Variants in TMEM178B observed in about 807,000 individuals in gnomAD.
The protein encoded by TMEM178B is transmembrane protein 178B.
In TMEM178B, 5 loss-of-function variants were observed where a neutral mutation model predicts 31.0. That is an observed-to-expected ratio of 0.16 (90% CI 0.08 to 0.34). The LOEUF is 0.34. Among genes scored for constraint, TMEM178B ranks in the 10% least tolerant of loss-of-function variants. The pLI, the probability that TMEM178B is intolerant of heterozygous loss-of-function variation, is 1.00. For synonymous variants in TMEM178B, 164 were observed against 164.0 expected (o/e 1.00, Z 0.00); for missense variants, 275 against 400.3 (o/e 0.69, Z 2.67).
At chr7:141,234,733 C>T (rs537600786) in intron 2 of TMEM178B, among the ~76,000 whole-genome samples, 1 of 152,322 alleles carries the variant, frequency 6.6e-6, no homozygotes, top group South Asian at 2.1e-4. Context: ...TCTGTGCCAT[C>T]TGCACTCTCG....
chr7:141,153,009 C>A (rs1386395915), intron 1 of TMEM178B, among the ~76,000 whole-genome samples: 2 of 152,168 alleles, frequency 1.3e-5, no homozygotes, highest in Non-Finnish European at 2.9e-5. Flanking sequence ...TGTCTTAAGT[C>A]ACATGGCTGA....
chr7:141,390,643 T>C (rs1381455595), intron 2 of TMEM178B, among the ~76,000 whole-genome samples: 1 of 152,250 alleles, frequency 6.6e-6, no homozygotes, highest in Non-Finnish European at 1.5e-5. Flanking sequence ...ACCTGCCCCG[T>C]TCTGACACGA....
At chr7:141,417,418 C>T (rs1229579771) in intron 2 of TMEM178B, among the ~76,000 whole-genome samples, 1 of 152,168 alleles carries the variant, frequency 6.6e-6, no homozygotes, top group Non-Finnish European at 1.5e-5. Flanking sequence ...GGTGTCTTAC[C>T]CATCTTTGTC....
At chr7:141,159,974 A>C (rs1193543947) in intron 1 of TMEM178B, among the ~76,000 whole-genome samples, 4 of 149,024 alleles carry the variant, frequency 2.7e-5, no homozygotes, top group African/African-American at 9.8e-5. Flanking sequence ...AATAATGGGG[A>C]AGCATTGTTT....
At chr7:141,209,619 A>G (rs762534248) in intron 1 of TMEM178B, among the ~76,000 whole-genome samples, 2 of 152,150 alleles carry the variant, frequency 1.3e-5, no homozygotes, top group African/African-American at 2.4e-5. Flanking sequence ...GAAACTCATA[A>G]TCTAGTTGGG....
At chr7:141,261,703 A>G (rs963877809) in intron 2 of TMEM178B, among the ~76,000 whole-genome samples, 2 of 152,140 alleles carry the variant, frequency 1.3e-5, no homozygotes, top group African/African-American at 4.8e-5. Context: ...TCACAACTTC[A>G]GGAAGTAGCA....
At chr7:141,428,272 G>A (rs1285862822) in intron 2 of TMEM178B, among the ~76,000 whole-genome samples, 1 of 150,978 alleles carries the variant, frequency 6.6e-6, no homozygotes, top group Non-Finnish European at 1.5e-5. Context: ...GGAGGCTGAG[G>A]CAGGAGAATT....
intron 2 of TMEM178B, among the ~76,000 whole-genome samples, chr7:141,339,715 G>GT (rs1006762018): frequency 1.3e-5 from 2 of 152,246 alleles, no homozygotes; most frequent in Admixed American, 6.5e-5. Flanking sequence ...CGTTGATGCT[G>GT]TAAGTGTAGG....
At chr7:141,495,780 G>A in the TMEM178B span, among the ~76,000 whole-genome samples, 1 of 152,124 alleles carries the variant, frequency 6.6e-6, no homozygotes, top group Admixed American at 6.5e-5. Flanking sequence ...ATAGAAAGAC[G>A]TACAAGATAA....
intron 2 of TMEM178B, among the ~76,000 whole-genome samples, chr7:141,218,400 A>G (rs1207087797): frequency 6.6e-6 from 1 of 152,152 alleles, no homozygotes; most frequent in African/African-American, 2.4e-5. Flanking sequence ...TTTAGTGTCC[A>G]TACCACTAGG....
intron 1 of TMEM178B, among the ~76,000 whole-genome samples, chr7:141,099,134 G>C (rs1795012248): frequency 6.6e-6 from 1 of 152,210 alleles, no homozygotes; most frequent in Non-Finnish European, 1.5e-5. Flanking sequence ...TCCTCCTTCA[G>C]AATATTTTCC....
chr7:141,157,732 C>T (rs966870774), intron 1 of TMEM178B, among the ~76,000 whole-genome samples: 2 of 152,166 alleles, frequency 1.3e-5, no homozygotes, highest in African/African-American at 2.4e-5. Context: ...GAGTTCCGAG[C>T]GAGGTAACAG....
intron 1 of TMEM178B, among the ~76,000 whole-genome samples, chr7:141,140,326 T>TG (rs1351069957): frequency 6.6e-6 from 1 of 152,208 alleles, no homozygotes; most frequent in Admixed American, 6.5e-5. Context: ...AACTCCTCAG[T>TG]GGGGCTTTCT....
intron 3 of TMEM178B, among the ~76,000 whole-genome samples, chr7:141,453,009 A>G (rs1801897377): frequency 6.6e-6 from 1 of 152,208 alleles, no homozygotes; most frequent in African/African-American, 2.4e-5. Flanking sequence ...CACTGCCTCC[A>G]TGACACCCTT....
At chr7:141,257,419 A>G (rs1797945022) in intron 2 of TMEM178B, among the ~76,000 whole-genome samples, 1 of 152,226 alleles carries the variant, frequency 6.6e-6, no homozygotes, top group African/African-American at 2.4e-5. Flanking sequence ...TGTAGGATCT[A>G]TGTTTCTGAA....
At chr7:141,347,397 A>T (rs1298981817) in intron 2 of TMEM178B, among the ~76,000 whole-genome samples, 1 of 152,142 alleles carries the variant, frequency 6.6e-6, no homozygotes, top group Non-Finnish European at 1.5e-5. Context: ...TTTTTGGGCC[A>T]TGCCACATTG....
intron 2 of TMEM178B, among the ~76,000 whole-genome samples, chr7:141,393,519 A>G (rs1463089855): frequency 3.9e-5 from 6 of 152,198 alleles, no homozygotes; most frequent in Non-Finnish European, 8.8e-5. Context: ...CGTCAGGAGC[A>G]GGGGAAGATT....
At position 141,166,988 on chromosome 7, in the gene TMEM178B, G is replaced by A. The variant is rs995285700; in HGVS notation, c.383-45603G>A. Among the ~76,000 whole-genome samples the A allele has an allele frequency of 4.6e-5, 7 of 152,128 alleles. No homozygotes were observed. In the East Asian group the frequency reaches 7.7e-4, roughly 17 times the overall value. On this transcript the variant is annotated intron_variant, in intron 1 of 3. Coordinates refer to ENST00000565468, the MANE Select transcript of TMEM178B (RefSeq NM_001195278.2). ...GTCTCATGTTAACTCTGCCAGATTC[G>A]TATCTATCACTTAATATTATGTTTG...
At chr7:141,388,279 C>T (rs1388901608) in intron 2 of TMEM178B, among the ~76,000 whole-genome samples, 1 of 152,138 alleles carries the variant, frequency 6.6e-6, no homozygotes, top group Admixed American at 6.5e-5. Context: ...GACCACCCCA[C>T]TCATGTCACT....
Sources: allele counts gnomAD v4.1 joint callset (sites outside exome capture counted in the v4.1 genomes callset), GRCh38; gene constraint gnomAD v4.1.1; transcripts MANE v1.5; gene names NCBI Gene and HGNC (gene_info 2026-07-23, HGNC 2026-07-21).